SMG1: variants seen among roughly 807,000 people sequenced by gnomAD.
SMG1 encodes the protein serine/threonine-protein kinase SMG1.
SMG1 carries 22 observed loss-of-function variants against 419.9 expected under a neutral mutation model. That is an observed-to-expected ratio of 0.05 (90% confidence interval 0.04 to 0.07). The LOEUF (loss-of-function observed/expected upper bound fraction) is 0.07. Among genes scored for constraint, SMG1 ranks in the 10% least tolerant of loss-of-function variants. The pLI is 1.00. For missense variants in SMG1, 3,185 were observed against 4,342.0 expected (o/e 0.73, Z 7.49); for synonymous variants, 1,538 against 1,553.5 (o/e 0.99, Z 0.23).
chr16:18,895,172 G>C (rs2037067044), intron 3 of SMG1, among the ~76,000 whole-genome samples: 3 of 152,184 alleles, frequency 2.0e-5, no homozygotes, highest in Admixed American at 6.5e-5. Context: ...TCATAAGGCA[G>C]AAATGCTATC....
At position 18,816,477 on chromosome 16, in the gene SMG1, T is replaced by C; in HGVS notation, c.10127A>G (p.His3376Arg). ...AGACATATCCTGGGTCAACTGTTTG[T>C]GTGCTGACAAAAGCCATTCAGAGCT... ...IGSSEWLLSA[H>R]KQLTQDMSTQ... The change falls in exon 58 of 63, where the codon CAC becomes CGC. Residue 3376 changes from histidine (H) to arginine (R), a missense_variant. His to Arg is a conservative substitution (Grantham distance 29). Coordinates refer to ENST00000446231, the MANE Select transcript of SMG1 (RefSeq NM_015092.5). 1 of 1,613,988 alleles carries C rather than the reference T, an allele frequency of 6.2e-7. No homozygotes were observed.
chr16:18,817,536 A>G (rs2032125601), intron 56 of SMG1, 66 bp from the exon 57 acceptor site: 2 of 1,279,250 alleles, frequency 1.6e-6, no homozygotes, highest in Non-Finnish European at 2.1e-6. Flanking sequence ...GGTGGCAATT[A>G]ATAACATGAA....
Position 18,815,523 on chromosome 16 carries a change from C to T in SMG1, c.10431G>A (p.Met3477Ile). The T allele has an allele frequency of 6.2e-7, 1 of 1,614,006 alleles. No individual in the cohort carries two copies. The highest frequency in any genetic ancestry group is 8.5e-7 in the Non-Finnish European group (1 of 1,179,896). The change falls in exon 59 of 63, where the codon ATG becomes ATA. Residue 3477 changes from methionine to isoleucine, a missense_variant. Coordinates refer to ENST00000446231, the MANE Select transcript of SMG1 (RefSeq NM_015092.5). ...QTVLFTLVQA[M>I]GQVRSQEHVE... ...CGTGTTCTTGACTTCGAACCTGACC[C>T]ATAGCCTGGACTAATGTAAATAGAA...
Position 18,808,091 on chromosome 16 carries a change from T to C in SMG1, c.*1478A>G, listed in dbSNP as rs1418379627. The C allele has an allele frequency of 1.3e-5, 2 of 152,218 alleles. No homozygotes were observed. The highest frequency in any genetic ancestry group is 4.8e-5 in the African/African-American group (2 of 41,444). 9.4% of individuals were successfully genotyped at this position (152,218 alleles called of 1,614,324 possible). ...TTAAGATTTTAATTGTGTTCTATTT[T>C]GTATTGATACTTGATTTTAAGAACC... On this transcript the variant is annotated 3_prime_UTR_variant, in exon 63 of 63. Coordinates refer to ENST00000446231, the MANE Select transcript of SMG1 (RefSeq NM_015092.5).
rs953905879 is a variant in SMG1 at position 18,853,696 on chromosome 16, T to G, written c.4655A>C (p.Gln1552Pro). 24 of 1,613,858 alleles carry G rather than the reference T, an allele frequency of 1.5e-5. No individual in the cohort carries two copies. Among genetic ancestry groups the G allele is most frequent in the Non-Finnish European group, 2.0e-5 (24 of 1,179,818 alleles). The change falls in exon 31 of 63, where the codon CAA becomes CCA. Residue 1552 changes from glutamine (Q) to proline (P), a missense_variant. By Grantham distance (76) the Gln-to-Pro change is moderately conservative. Coordinates refer to ENST00000446231, the MANE Select transcript of SMG1 (RefSeq NM_015092.5). ...AGTAGAAAGACCTGTGAAGTTCTGT[T>G]GGTGCTGAGCTCTGTAAACCTGTTT... The part of the protein sequence containing the change: ...QLKQVYRAQH[Q>P]QNFTGLSTLS...
rs541532895 is a variant in SMG1 at position 18,859,268 on chromosome 16, C to T, written c.3954-87G>A. On this transcript the variant is annotated intron_variant, in intron 27 of 62. Coordinates refer to ENST00000446231, the MANE Select transcript of SMG1 (RefSeq NM_015092.5). Reference sequence around the variant, plus strand: ...AAGCAATTGATAAGATGCTATCAAACTGACATCCAAAGTTAGGGGGCAGTA... The same window carrying T: ...AAGCAATTGATAAGATGCTATCAAATTGACATCCAAAGTTAGGGGGCAGTA... 1.5e-4 allele frequency: 151 copies of T among 1,022,780 alleles called. 1 individual carries two copies. Among genetic ancestry groups the T allele is most frequent in the South Asian group, 7.5e-4 (50 of 66,748 alleles). 63.4% of individuals were successfully genotyped at this position (1,022,780 alleles called of 1,614,324 possible). A position where few individuals can be genotyped will look rare whatever the true frequency, so the allele number is the denominator to read the frequency against.
intron 25 of SMG1, among the ~76,000 whole-genome samples, chr16:18,862,276 T>C (rs928696571): frequency 5.3e-5 from 8 of 152,218 alleles, no homozygotes; most frequent in Admixed American, 1.3e-4. Flanking sequence ...TTTTTTTGAA[T>C]GGCCTCCTCT....
At chr16:18,877,345 T>C (rs2036183199) in intron 11 of SMG1, 113 bp from the exon 12 acceptor site, 1 of 672,830 alleles carries the variant, frequency 1.5e-6, no homozygotes, top group Non-Finnish European at 2.4e-6. Context: ...CTACATACTA[T>C]ATGACTCCAA....
rs115377158 is a variant in SMG1, at chr16:18,812,844, G to A, written c.10622-717C>T. ...TGTCCCCCCACCCACAACAAGCCCC[G>A]GTGTGAGATGTTCCCCTTCCTGTGT... On this transcript the variant is annotated intron_variant, in intron 60 of 62. Coordinates refer to ENST00000446231, the MANE Select transcript of SMG1 (RefSeq NM_015092.5). Among the ~76,000 whole-genome samples the A allele has an allele frequency of 3.7e-3, 565 of 151,890 alleles. 4 individuals are homozygous for A. The highest frequency in any genetic ancestry group is 9.4e-3 in the African/African-American group (390 of 41,396).
intron 25 of SMG1, among the ~76,000 whole-genome samples, chr16:18,861,644 C>T (rs1396049812): frequency 6.6e-6 from 1 of 152,200 alleles, no homozygotes; most frequent in Non-Finnish European, 1.5e-5. Flanking sequence ...CCCTTGAGTA[C>T]TGGGCACTGA....
At chr16:18,864,525 T>A (rs1330992500) in intron 23 of SMG1, among the ~76,000 whole-genome samples, 1 of 151,560 alleles carries the variant, frequency 6.6e-6, no homozygotes, top group Non-Finnish European at 1.5e-5. Flanking sequence ...TGAGACAGAG[T>A]CTTACTGTCA....
At chr16:18,893,459 T>C (rs1019336296) in intron 3 of SMG1, among the ~76,000 whole-genome samples, 8 of 152,098 alleles carry the variant, frequency 5.3e-5, no homozygotes, top group Admixed American at 1.3e-4. Flanking sequence ...ACCCCATCTC[T>C]ACGAAAAATA....
intron 23 of SMG1, among the ~76,000 whole-genome samples, chr16:18,864,732 C>A (rs368855214): frequency 1.8e-4 from 27 of 152,290 alleles, no homozygotes; most frequent in African/African-American, 5.1e-4. Context: ...TCACCTCAGT[C>A]TCCCCAAGTA....
rs1198512923 is a variant in SMG1 at position 18,808,778 on chromosome 16, G to T, written c.*791C>A. The T allele has an allele frequency of 6.6e-6, 1 of 152,544 alleles. No homozygotes were observed. Among genetic ancestry groups the T allele is most frequent in the South Asian group, 2.1e-4 (1 of 4,828 alleles). The allele number at this position is 152,544 out of a possible 1,614,324, so 9.4% of individuals were successfully genotyped here. A position where few individuals can be genotyped will look rare whatever the true frequency, so the allele number is the denominator to read the frequency against. On this transcript the variant is annotated 3_prime_UTR_variant, in exon 63 of 63. Coordinates refer to ENST00000446231, the MANE Select transcript of SMG1 (RefSeq NM_015092.5). ...ATCATCAGACCTTTAAACAATCCTT[G>T]AATTTTCCATGTTATCAGAAGTTGT...
chr16:18,816,204 GTTA>G, intron 58 of SMG1, 95 bp downstream of exon 58: 1 of 941,988 alleles, frequency 1.1e-6, no homozygotes, highest in Non-Finnish European at 1.6e-6. Context: ...GAGATAAATT[GTTA>G]TTTACAAAAT....
intron 39 of SMG1, among the ~76,000 whole-genome samples, chr16:18,844,175 T>A (rs967754449): frequency 6.6e-6 from 1 of 152,050 alleles, no homozygotes; most frequent in Non-Finnish European, 1.5e-5. Flanking sequence ...ACACCTGTAA[T>A]CCCAGCACTT....
intron 6 of SMG1, among the ~76,000 whole-genome samples, chr16:18,888,883 C>T (rs1160292867): frequency 7.4e-6 from 1 of 135,244 alleles, no homozygotes; most frequent in African/African-American, 2.9e-5. Context: ...AGTGCAGTGG[C>T]GTGATCTCGA....
chr16:18,916,091 C>CAAAA (rs1207251735), intron 1 of SMG1, among the ~76,000 whole-genome samples: 4 of 72,228 alleles, frequency 5.5e-5, no homozygotes, highest in Non-Finnish European at 5.7e-5. Flanking sequence ...AAAAAAAAAC[C>CAAAA]AGAAAAAAAA....
At chr16:18,838,746 A>C in intron 42 of SMG1, 57 bp from the exon 43 acceptor site, 2 of 1,112,032 alleles carry the variant, frequency 1.8e-6, no homozygotes, top group Non-Finnish European at 2.6e-6. Flanking sequence ...TTTCCCTCCA[A>C]CATGGACGTG....
Sources: allele counts gnomAD v4.1 joint callset (sites outside exome capture counted in the v4.1 genomes callset), GRCh38; gene constraint gnomAD v4.1.1; transcripts MANE v1.5; gene names NCBI Gene and HGNC (gene_info 2026-07-23, HGNC 2026-07-21).